RPSA2: variants seen among roughly 807,000 people sequenced by gnomAD.
The protein encoded by RPSA2 is small ribosomal subunit protein uS2B.
chr19:23,792,514 T>G, the RPSA2 span, among the ~76,000 whole-genome samples: 1 of 152,012 alleles, frequency 6.6e-6, no homozygotes, highest in Admixed American at 6.6e-5. Flanking sequence ...ATAAAACAGA[T>G]GTATATAAAA....
At chr19:23,761,901 A>ATCCTTCCTCCC in the RPSA2 span, among the ~76,000 whole-genome samples, 2 of 34,016 alleles carry the variant, frequency 5.9e-5, no homozygotes, top group Non-Finnish European at 1.3e-4. Context: ...GGGTAACGTA[A>ATCCTTCCTCCC]TTCTTTCTTT....
the RPSA2 span, among the ~76,000 whole-genome samples, chr19:23,789,797 T>C: frequency 1.3e-5 from 2 of 151,300 alleles, no homozygotes; most frequent in African/African-American, 4.9e-5. Flanking sequence ...GCAGTCTCAG[T>C]CTCCTGAGTA....
At chr19:23,821,710 A>G in the RPSA2 span, among the ~76,000 whole-genome samples, 1 of 152,008 alleles carries the variant, frequency 6.6e-6, no homozygotes, top group Non-Finnish European at 1.5e-5. Flanking sequence ...TCATTTTTCT[A>G]GTGTCCCTTC....
the RPSA2 span, among the ~76,000 whole-genome samples, chr19:23,860,192 GC>G: frequency 2.6e-5 from 4 of 152,158 alleles, no homozygotes; most frequent in African/African-American, 7.2e-5. Context: ...ACAGAGCTGA[GC>G]CCCCATCATA....
chr19:23,869,823 T>G, the RPSA2 span, among the ~76,000 whole-genome samples: 5 of 152,196 alleles, frequency 3.3e-5, no homozygotes, highest in African/African-American at 4.8e-5. Flanking sequence ...ATACCAGTAC[T>G]GCTACTCAAC....
At chr19:23,795,849 C>G in the RPSA2 span, among the ~76,000 whole-genome samples, 3 of 152,296 alleles carry the variant, frequency 2.0e-5, no homozygotes, top group Non-Finnish European at 2.9e-5. Flanking sequence ...AATCTTGGCT[C>G]ACTGCAGACT....
At chr19:23,803,403 A>T in the RPSA2 span, among the ~76,000 whole-genome samples, 25 of 151,116 alleles carry the variant, frequency 1.7e-4, no homozygotes, top group South Asian at 1.1e-3. Flanking sequence ...TAATTAAAAA[A>T]ATTTTTTTTA....
the RPSA2 span, chr19:23,758,876 G>T: frequency 1.5e-6 from 2 of 1,351,466 alleles, no homozygotes; most frequent in South Asian, 1.3e-5. Flanking sequence ...CCGGAGCTCG[G>T]GCTGAAGGGA....
At chr19:23,789,703 A>T in the RPSA2 span, among the ~76,000 whole-genome samples, 6 of 151,334 alleles carry the variant, frequency 4.0e-5, no homozygotes, top group East Asian at 1.2e-3. Flanking sequence ...CACAGATGAT[A>T]TTGTGTTACT....
At chr19:23,829,758 A>G in the RPSA2 span, among the ~76,000 whole-genome samples, 1 of 152,198 alleles carries the variant, frequency 6.6e-6, no homozygotes, top group Admixed American at 6.5e-5. Flanking sequence ...TGATGTTGCT[A>G]ATTATATCTT....
the RPSA2 span, among the ~76,000 whole-genome samples, chr19:23,853,915 G>A: frequency 6.6e-6 from 1 of 152,136 alleles, no homozygotes; most frequent in Non-Finnish European, 1.5e-5. Context: ...TTAAATTAGA[G>A]GAAATAATAG....
At chr19:23,766,142 C>CTTTTTTT in the RPSA2 span, among the ~76,000 whole-genome samples, 52 of 43,288 alleles carry the variant, frequency 1.2e-3, 18 homozygotes, top group Admixed American at 1.8e-3. Context: ...TATTTCATTT[C>CTTTTTTT]CTTTTTTTTT....
the RPSA2 span, among the ~76,000 whole-genome samples, chr19:23,805,811 C>T: frequency 1.3e-5 from 2 of 152,054 alleles, no homozygotes; most frequent in East Asian, 3.9e-4. Flanking sequence ...TTTTTCTTAA[C>T]TACTTTTATA....
At chr19:23,865,480 G>C in the RPSA2 span, among the ~76,000 whole-genome samples, 1 of 152,038 alleles carries the variant, frequency 6.6e-6, no homozygotes, top group African/African-American at 2.4e-5. Flanking sequence ...CTTGGGGTTT[G>C]GTTCGCATGG....
the RPSA2 span, among the ~76,000 whole-genome samples, chr19:23,862,075 C>A: frequency 2.0e-5 from 3 of 151,984 alleles, no homozygotes; most frequent in Non-Finnish European, 2.9e-5. Flanking sequence ...TGTAGTTCTC[C>A]TTGAAGAGGT....
chr19:23,761,658 A>AT, the RPSA2 span, among the ~76,000 whole-genome samples: 6,471 of 152,004 alleles, frequency 0.043, 210 homozygotes, highest in South Asian at 0.16. Context: ...ATGTGACCCA[A>AT]TATTTCCTCA....
chr19:23,870,454 C>T, the RPSA2 span, among the ~76,000 whole-genome samples: 2 of 152,110 alleles, frequency 1.3e-5, no homozygotes, highest in Non-Finnish European at 2.9e-5. Flanking sequence ...AAAGAGTATC[C>T]ATGGGACCTT....
At chr19:23,758,704 A>C in the RPSA2 span, 2 of 1,614,156 alleles carry the variant, frequency 1.2e-6, no homozygotes, top group East Asian at 4.5e-5. Flanking sequence ...GTCCCGCCAC[A>C]GCCCCTTCCC....
chr19:23,764,454 G>GT, the RPSA2 span, among the ~76,000 whole-genome samples: 2 of 152,266 alleles, frequency 1.3e-5, no homozygotes, highest in Admixed American at 1.3e-4. Context: ...TGGATGGCAG[G>GT]TTTTTAAAGA....
Sources: gnomAD v4.1 joint callset for allele counts (sites outside exome capture counted in the v4.1 genomes callset) on GRCh38, gnomAD v4.1.1 for gene constraint, MANE v1.5 for transcripts, NCBI Gene and HGNC (gene_info 2026-07-23, HGNC 2026-07-21) for gene names.